The following KCTD5 variants were observed in gnomAD, a reference collection of about 807,000 sequenced individuals.
The protein encoded by KCTD5 is potassium channel tetramerization domain containing 5.
A neutral mutation model predicts 27.9 loss-of-function variants in KCTD5; 12 were observed. The ratio of observed to expected loss-of-function variants is 0.43; its 90% CI spans 0.28 to 0.70. The LOEUF (loss-of-function observed/expected upper bound fraction) is 0.70. KCTD5 is among the 30% of genes least tolerant of loss of function. KCTD5 has a pLI of 0.19. For missense variants in KCTD5, 226 were observed against 274.8 expected, an observed-to-expected ratio of 0.82 and a Z score of 1.26; for synonymous variants, 147 against 121.4, an observed-to-expected ratio of 1.21 and a Z score of -1.39.
At position 2,687,193 on chromosome 16, in the gene KCTD5, T is replaced by C. The variant is rs1417945096; in HGVS notation, c.252+4393T>C. ...CTTTAGACCTTAGGCCACGAGTCAG[T>C]TCCATAAATTCCTGAGAAAAGGACT... On this transcript the variant is annotated intron_variant, in intron 1 of 5. Transcript: ENST00000301738. 3.9e-5 allele frequency among the ~76,000 whole-genome samples: 6 copies of C among 152,188 alleles called. No homozygotes were observed. In the East Asian group the frequency reaches 1.2e-3, roughly 29 times the overall value.
chr16:2,682,605 G>T lies in KCTD5; in HGVS notation c.57G>T (p.Gly19=). ...LSPARGGIGA[G]LGGGLCRRCS... is the part of the protein sequence containing the mutation. ...CGGCCCGGGGCGGCATCGGGGCGGG[G>T]CTGGGGGGCGGCCTGTGCCGCCGCT... The change falls in exon 1 of 6, where the codon GGG becomes GGT. Residue 19 remains glycine (G), a synonymous_variant. Transcript: ENST00000301738. 2 of 1,515,470 alleles carry T rather than the reference G, an allele frequency of 1.3e-6. No individual in the cohort carries two copies. Among genetic ancestry groups the T allele is most frequent in the Non-Finnish European group, 1.8e-6 (2 of 1,137,344 alleles). 93.9% of individuals were successfully genotyped at this position (1,515,470 alleles called of 1,614,324 possible).
At chr16:2,690,577 G>A (rs1398514396) in intron 1 of KCTD5, among the ~76,000 whole-genome samples, 1 of 152,236 alleles carries the variant, frequency 6.6e-6, no homozygotes, top group Non-Finnish European at 1.5e-5. Context: ...GCCTGTGCTG[G>A]TTGTGTAAGC....
chr16:2,698,166 C>T (rs141137037), intron 3 of KCTD5, among the ~76,000 whole-genome samples, 169 bp downstream of exon 3: 2 of 152,234 alleles, frequency 1.3e-5, no homozygotes. Flanking sequence ...TCCGTCTACC[C>T]GGCTCTCCCC....
intron 5 of KCTD5, among the ~76,000 whole-genome samples, chr16:2,704,490 C>T (rs185985420): frequency 1.3e-3 from 203 of 152,362 alleles, no homozygotes; most frequent in East Asian, 2.7e-3. Context: ...CTGCTTCCCA[C>T]GCCAGTCCCT....
Position 2,708,673 on chromosome 16 carries a change from C to T in KCTD5, c.*1346C>T, listed in dbSNP as rs2067648367. 6.6e-6 allele frequency: 1 copy of T among 152,252 alleles called. No homozygotes were observed. Among genetic ancestry groups the T allele is most frequent in the South Asian group, 2.1e-4 (1 of 4,832 alleles). The allele number at this position is 152,252 out of a possible 1,614,324, so 9.4% of individuals were successfully genotyped here. ...AATTCTCCAGCATTAGGACTTACCT[C>T]CTTCTTTTTGTAAGGTCTCTTGTAT... is the stretch of plus-strand genomic sequence containing the variant. On this transcript the variant is annotated 3_prime_UTR_variant, in exon 6 of 6. Transcript: ENST00000301738.
chr16:2,699,651 C>T (rs532016374), intron 3 of KCTD5, among the ~76,000 whole-genome samples, 170 bp from the exon 4 acceptor site: 2 of 152,294 alleles, frequency 1.3e-5, no homozygotes, highest in South Asian at 2.1e-4. Flanking sequence ...AGCAGCTGTT[C>T]GGGCCGCGTG....
chr16:2,692,503 G>T (rs147744733), intron 1 of KCTD5, among the ~76,000 whole-genome samples: 4 of 152,314 alleles, frequency 2.6e-5, no homozygotes, highest in East Asian at 3.9e-4. Context: ...TCTGCAGCTG[G>T]TCTTCCACTT....
chr16:2,702,411 G>A lies in KCTD5; in HGVS notation c.608G>A (p.Cys203Tyr). Residue 203 changes from cysteine (C) to tyrosine (Y), a missense_variant, in exon 5 of 6, where the codon TGT (cysteine) becomes TAT (tyrosine). Physicochemically the swap from Cys to Tyr is radical, Grantham distance 194. Around this residue, in one of 2 missense-constraint regions of KCTD5, gnomAD observed 135 missense variants for 207.0 expected, o/e 0.65. Transcript: ENST00000301738. ...YGNEDQAEFL[C>Y]VVSKELHNTP... ...AACGAAGACCAAGCCGAGTTCCTCTGTGTGGTGTCCAAGGAGCTGCACAAC... is the reference window on the plus strand; with the variant it reads ...AACGAAGACCAAGCCGAGTTCCTCTATGTGGTGTCCAAGGAGCTGCACAAC... 1 of 1,613,522 alleles carries A rather than the reference G, an allele frequency of 6.2e-7. No individual in the cohort carries two copies. The highest frequency in any genetic ancestry group is 8.5e-7 in the Non-Finnish European group (1 of 1,179,994).
At chr16:2,705,265 C>G (rs1211233088) in intron 5 of KCTD5, among the ~76,000 whole-genome samples, 1 of 152,192 alleles carries the variant, frequency 6.6e-6, no homozygotes, top group African/African-American at 2.4e-5. Context: ...GTGTGTCTGT[C>G]CCTGCCTGTA....
intron 2 of KCTD5, 76 bp from the exon 3 acceptor site, chr16:2,697,830 G>A (rs1279934057): frequency 4.8e-6 from 5 of 1,040,524 alleles, no homozygotes; most frequent in East Asian, 2.4e-5. Context: ...AGGGGCAAGG[G>A]CAGGGGTGGG....
In KCTD5 at chr16:2,707,866, A is replaced by G. The variant is rs996918501; in HGVS notation, c.*539A>G. On this transcript the variant is annotated 3_prime_UTR_variant, in exon 6 of 6. Transcript: ENST00000301738. ...TGACAAAGGCGGCTTCTGCGTCGTCACTGCTTCCCGGCGCCATTCCGAGGC... is the reference window on the plus strand; with the variant it reads ...TGACAAAGGCGGCTTCTGCGTCGTCGCTGCTTCCCGGCGCCATTCCGAGGC... 1.1e-5 allele frequency: 2 copies of G among 182,612 alleles called. No homozygotes were observed. Among genetic ancestry groups the G allele is most frequent in the South Asian group, 1.8e-4 (1 of 5,630 alleles). 11.3% of individuals were successfully genotyped at this position (182,612 alleles called of 1,614,324 possible). A position where few individuals can be genotyped will look rare whatever the true frequency, so the allele number is the denominator to read the frequency against.
At chr16:2,702,871 C>T (rs2067618798) in intron 5 of KCTD5, among the ~76,000 whole-genome samples, 1 of 151,994 alleles carries the variant, frequency 6.6e-6, no homozygotes, top group Admixed American at 6.5e-5. Flanking sequence ...TCCCTGAGTG[C>T]AGGGACATGG....
At chr16:2,704,366 G>T (rs543718003) in intron 5 of KCTD5, among the ~76,000 whole-genome samples, 1 of 152,350 alleles carries the variant, frequency 6.6e-6, no homozygotes, top group African/African-American at 2.4e-5. Context: ...TGTGTGGCCT[G>T]GCCCTGCTGG....
rs780449883 is a variant in KCTD5, at chr16:2,682,823, C to T, written c.252+23C>T. On this transcript the variant is annotated intron_variant, in intron 1 of 5. Transcript: ENST00000301738. ...AAGGTGAGGGCCTCACGGGCCAGCC[C>T]GGAGGGTCCTGGCCTTCCCGGCCTG... 5 of 1,572,702 alleles carry T rather than the reference C, an allele frequency of 3.2e-6. No homozygotes were observed. The South Asian group carries it at 3.5e-5, about 11-fold the overall frequency.
intron 5 of KCTD5, among the ~76,000 whole-genome samples, chr16:2,706,003 C>A (rs2067634055): frequency 6.6e-6 from 1 of 152,232 alleles, no homozygotes; most frequent in Middle Eastern, 3.4e-3. Context: ...GGGGGCTGCA[C>A]TGTCTCCCCA....
intron 1 of KCTD5, among the ~76,000 whole-genome samples, chr16:2,688,532 T>C (rs544627439): frequency 2.0e-5 from 3 of 151,850 alleles, no homozygotes; most frequent in Admixed American, 6.6e-5. Context: ...ATTACAGGTG[T>C]GAGTGTACTT....
rs150112490 is a variant in KCTD5, at chr16:2,699,827, G to A, written c.460G>A (p.Val154Met). The A allele has an allele frequency of 4.7e-5, 76 of 1,613,328 alleles. No homozygotes were observed. In the African/African-American group the frequency reaches 8.4e-4, roughly 18 times the overall value. Reference protein sequence around the residue: ...ERDSKTSQVPVKHVYRVLQCQ... With the variant: ...ERDSKTSQVPMKHVYRVLQCQ... ...GTGCCCATTGTCCTTGCAGGTGCCT[G>A]TGAAGCATGTGTACCGTGTGCTGCA... The change falls in exon 4 of 6, where the codon GTG (valine) becomes ATG (methionine). Residue 154 changes from valine (V) to methionine (M), a missense_variant. Physicochemically the swap from Val to Met is conservative, Grantham distance 21 (BLOSUM62 1). Transcript: ENST00000301738.
chr16:2,697,401 T>G, intron 2 of KCTD5: 1 of 154,602 alleles, frequency 6.5e-6, no homozygotes, highest in Non-Finnish European at 1.4e-5. Context: ...TCCCTTTGAA[T>G]GGGGTCAACT....
intron 5 of KCTD5, among the ~76,000 whole-genome samples, chr16:2,703,556 C>T (rs879156875): frequency 7.2e-5 from 11 of 152,208 alleles, no homozygotes; most frequent in African/African-American, 2.4e-4. Flanking sequence ...AGGACTGTCC[C>T]CGTGAGCCTC....
Sources: gnomAD v4.1 joint callset for allele counts (sites outside exome capture counted in the v4.1 genomes callset) on GRCh38, gnomAD v4.1.1 for gene constraint, gnomAD v4.1.1 regional missense constraint, MANE v1.5 for transcripts, NCBI Gene and HGNC (gene_info 2026-07-23, HGNC 2026-07-21) for gene names.